SND1: variants seen among roughly 807,000 people sequenced by gnomAD.
SND1 encodes staphylococcal nuclease and tudor domain containing 1.
A neutral mutation model predicts 121.7 loss-of-function variants in SND1; 38 were observed. The ratio of observed to expected loss-of-function variants is 0.31; its 90% CI spans 0.24 to 0.41. The LOEUF (loss-of-function observed/expected upper bound fraction) is 0.41. SND1 is among the 10% of genes least tolerant of loss of function. The probability of loss-of-function intolerance (pLI) is 1.00; values close to 1 mark genes in which losing one functional copy is unlikely to be tolerated. For missense variants in SND1, 868 were observed against 1,184.6 expected, an observed-to-expected ratio of 0.73 and a Z score of 3.92; for synonymous variants, 401 against 447.4, an observed-to-expected ratio of 0.90 and a Z score of 1.31.
At chr7:127,654,333 A>T (rs1024673467) in intron 1 of SND1, among the ~76,000 whole-genome samples, 3 of 152,194 alleles carry the variant, frequency 2.0e-5, no homozygotes, top group Non-Finnish European at 4.4e-5. Context: ...CATTTTATAG[A>T]TGTGTAATTT....
intron 10 of SND1, among the ~76,000 whole-genome samples, chr7:127,745,729 T>C (rs942238277): frequency 6.6e-6 from 1 of 152,152 alleles, no homozygotes; most frequent in African/African-American, 2.4e-5. Flanking sequence ...TTAAAAGTGA[T>C]TTTATTTTCT....
rs1353582859 is a variant in SND1 at position 127,929,349 on chromosome 7, T to C, written c.1669+20T>C. The C allele has an allele frequency of 5.0e-6, 8 of 1,613,514 alleles. No individual in the cohort carries two copies. In the Admixed American group the frequency reaches 1.2e-4, roughly 24 times the overall value. On this transcript the variant is annotated intron_variant, in intron 15 of 23. Transcript: ENST00000354725. ...TTGCAGGTAAGTCTTATGTGTTACA[T>C]GTTACTCTGAGCTCAGAAGTCATCC...
chr7:128,032,054 CA>C (rs1792632130), intron 16 of SND1: 1 of 151,904 alleles, frequency 6.6e-6, no homozygotes, highest in African/African-American at 2.4e-5. Flanking sequence ...TTGCAGGCGG[CA>C]GCCACGCAGA....
intron 11 of SND1, among the ~76,000 whole-genome samples, chr7:127,841,636 C>T (rs914733895): frequency 1.1e-4 from 16 of 152,146 alleles, no homozygotes; most frequent in African/African-American, 3.6e-4. Flanking sequence ...TCTTCCCTTC[C>T]CTGGTTCTGA....
chr7:127,660,039 TGAG>T (rs386717662), intron 1 of SND1, among the ~76,000 whole-genome samples: 48,918 of 149,486 alleles, frequency 0.33, 8,992 homozygotes, highest in African/African-American at 0.51. Flanking sequence ...ATCTTTAGTT[TGAG>T]AAAGAAGATT....
At chr7:127,923,827 A>G (rs573608630) in intron 14 of SND1, among the ~76,000 whole-genome samples, 20 of 152,292 alleles carry the variant, frequency 1.3e-4, no homozygotes, top group African/African-American at 4.8e-4. Flanking sequence ...TACACAATAC[A>G]CTTAAAATGA....
chr7:127,956,148 C>T (rs1417436910), intron 15 of SND1, among the ~76,000 whole-genome samples: 1 of 152,188 alleles, frequency 6.6e-6, no homozygotes, highest in Non-Finnish European at 1.5e-5. Context: ...TTGTTTATCT[C>T]CATATGCCCA....
chr7:127,949,631 TCAG>T (rs1249101546), intron 15 of SND1, among the ~76,000 whole-genome samples: 2 of 152,198 alleles, frequency 1.3e-5, no homozygotes, highest in African/African-American at 4.8e-5. Context: ...CACCCTTCCC[TCAG>T]CAGACCAGAA....
chr7:128,074,944 G>T (rs1286578018), intron 17 of SND1, among the ~76,000 whole-genome samples: 1 of 152,200 alleles, frequency 6.6e-6, no homozygotes, highest in African/African-American at 2.4e-5. Flanking sequence ...GTGATCCCAG[G>T]CCTGCTCAGG....
intron 16 of SND1, among the ~76,000 whole-genome samples, chr7:128,001,928 T>C (rs1802842698): frequency 1.3e-5 from 2 of 151,636 alleles, no homozygotes; most frequent in Non-Finnish European, 2.9e-5. Flanking sequence ...CGAAACTCCA[T>C]CTCAAAAACA....
Position 127,725,485 on chromosome 7 carries a change from G to T in SND1, c.1152+4085G>T, listed in dbSNP as rs531367782. On this transcript the variant is annotated intron_variant, in intron 10 of 23. Transcript: ENST00000354725. ...TGGGTAAAAATATGGGCCTGCCCTAGTTAGAACAGGCTGGTAGAATCTCCA... is the reference window on the plus strand; with the variant it reads ...TGGGTAAAAATATGGGCCTGCCCTATTTAGAACAGGCTGGTAGAATCTCCA... 9.8e-5 allele frequency among the ~76,000 whole-genome samples: 15 copies of T among 152,338 alleles called. No homozygotes were observed. In the South Asian group the frequency reaches 3.1e-3, roughly 32 times the overall value.
intron 16 of SND1, among the ~76,000 whole-genome samples, chr7:128,074,234 C>G (rs1793465484): frequency 6.6e-6 from 1 of 152,198 alleles, no homozygotes; most frequent in South Asian, 2.1e-4. Flanking sequence ...CGCTCTCTCT[C>G]TCTCTCTCAG....
intron 13 of SND1, among the ~76,000 whole-genome samples, chr7:127,893,276 T>C (rs1018187030): frequency 6.6e-6 from 1 of 152,142 alleles, no homozygotes; most frequent in Admixed American, 6.6e-5. Flanking sequence ...TTGTTGAGCA[T>C]GTTATGGACA....
chr7:128,044,127 G>A (rs1792905717), intron 16 of SND1, among the ~76,000 whole-genome samples: 2 of 152,210 alleles, frequency 1.3e-5, no homozygotes, highest in South Asian at 4.1e-4. Flanking sequence ...ATGTGGAGGA[G>A]AAGAAAACGC....
At chr7:128,030,796 A>G in intron 16 of SND1, 1 of 961,076 alleles carries the variant, frequency 1.0e-6, no homozygotes, top group Non-Finnish European at 1.5e-6. Context: ...TCGGCCGAAA[A>G]AAATCCTGCC....
rs200401181 is a variant in SND1, at chr7:128,089,481, T to C, written c.2419-8T>C. On this transcript the variant is annotated splice_region_variant and splice_polypyrimidine_tract_variant and intron_variant, in intron 21 of 23. Transcript: ENST00000354725. The stretch of plus-strand genomic sequence containing the variant: ...GCTTGCTCTGACCTGAGTGTGTCTC[T>C]GCTCCAGGATGATGCCCGCACGGAC... 102 of 1,605,674 alleles carry C rather than the reference T, an allele frequency of 6.4e-5. No individual in the cohort carries two copies. The highest frequency in any genetic ancestry group is 6.6e-5 in the Non-Finnish European group (78 of 1,173,708).
At chr7:127,822,075 A>C (rs1486732922) in intron 11 of SND1, among the ~76,000 whole-genome samples, 1 of 152,126 alleles carries the variant, frequency 6.6e-6, no homozygotes. Flanking sequence ...TTAAAATTCA[A>C]ATGCTAATAA....
At chr7:128,017,511 G>C (rs1803251964) in intron 16 of SND1, among the ~76,000 whole-genome samples, 2 of 152,188 alleles carry the variant, frequency 1.3e-5, no homozygotes, top group African/African-American at 4.8e-5. Context: ...TTCTCTCTGG[G>C]GGACAAGTCA....
intron 10 of SND1, among the ~76,000 whole-genome samples, chr7:127,785,586 G>C (rs1278808951): frequency 6.6e-6 from 1 of 152,162 alleles, no homozygotes; most frequent in Admixed American, 6.5e-5. Context: ...ATTGCTAGAT[G>C]TTCGATAGTC....
Sources: gnomAD v4.1 joint callset for allele counts (sites outside exome capture counted in the v4.1 genomes callset) on GRCh38, gnomAD v4.1.1 for gene constraint, MANE v1.5 for transcripts, NCBI Gene and HGNC (gene_info 2026-07-23, HGNC 2026-07-21) for gene names.